DPH7: variants seen among roughly 807,000 people sequenced by gnomAD.
The protein encoded by DPH7 is diphthamide biosynthesis 7, also known as diphthine methyltransferase.
A neutral mutation model predicts 41.7 loss-of-function variants in DPH7; 44 were observed. That is an observed-to-expected ratio of 1.05 (90% CI 0.83 to 1.36). DPH7 has a LOEUF of 1.36. Ranked by LOEUF, DPH7 falls within the 40% of genes most tolerant of loss-of-function variation. DPH7 has a pLI of 0.00. For synonymous variants in DPH7, 275 were observed against 238.0 expected (o/e 1.16, Z -1.43); for missense variants, 629 against 577.5 (o/e 1.09, Z -0.91).
rs189560393 is a variant in DPH7, at chr9:137,558,998, C to A, written c.950-3350G>T. 6.6e-5 allele frequency among the ~76,000 whole-genome samples: 10 copies of A among 152,158 alleles called. No individual in the cohort carries two copies. In the East Asian group the frequency reaches 1.9e-3, roughly 29 times the overall value. On this transcript the variant is annotated intron_variant, in intron 8 of 8. Transcript: ENST00000277540. ...CACTAAATTGTGGGCGGCAAGCCAC[C>A]CAGGCACCGAGGCAAGAGACCGAGG...
intron 3 of DPH7, 89 bp from the exon 4 acceptor site, chr9:137,574,932 T>C: frequency 1.3e-6 from 2 of 1,581,946 alleles, no homozygotes; most frequent in African/African-American, 1.4e-5. Context: ...AAGTCATCGT[T>C]CCCTCATTTA....
intron 8 of DPH7, among the ~76,000 whole-genome samples, chr9:137,557,775 C>G (rs1050032951): frequency 2.7e-5 from 4 of 149,740 alleles, no homozygotes; most frequent in Non-Finnish European, 5.9e-5. Context: ...GCTGAGATCA[C>G]CCCACTGCAC....
At chr9:137,577,441 T>C in intron 2 of DPH7, 29 bp downstream of exon 2, 1 of 1,608,294 alleles carries the variant, frequency 6.2e-7, no homozygotes, top group Admixed American at 1.7e-5. Flanking sequence ...TGACAAATTC[T>C]ACACCCAGTG....
At chr9:137,575,897 T>C in intron 3 of DPH7, 183 bp downstream of exon 3, 1 of 1,406,700 alleles carries the variant, frequency 7.1e-7, no homozygotes, top group Non-Finnish European at 9.3e-7. Context: ...GACTTCCTCT[T>C]GGAGTTGGAT....
In DPH7 at chr9:137,576,077, G is replaced by C; in HGVS notation, c.375+3C>G. On this transcript the variant is annotated splice_donor_region_variant and intron_variant, in intron 3 of 8. Transcript: ENST00000277540. ...CCCCACAGAACAAGTGCAAGTCACT[G>C]ACCTCAGATTCCACCAGGCGGAGCA... The C allele has an allele frequency of 6.2e-7, 1 of 1,613,870 alleles. No individual in the cohort carries two copies. Among genetic ancestry groups the C allele is most frequent in the Non-Finnish European group, 8.5e-7 (1 of 1,180,026 alleles).
chr9:137,575,708 C>T (rs914773257), intron 3 of DPH7: 10 of 1,058,248 alleles, frequency 9.4e-6, no homozygotes, highest in Middle Eastern at 4.6e-4. Context: ...ACAGGACTCA[C>T]GTGCTTTTCC....
chr9:137,558,821 G>A (rs532397462), intron 8 of DPH7, among the ~76,000 whole-genome samples: 5 of 152,084 alleles, frequency 3.3e-5, no homozygotes, highest in Admixed American at 1.3e-4. Flanking sequence ...TGCAACCTCC[G>A]CCTCCCAGGT....
At chr9:137,571,859 A>G (rs930374282) in intron 5 of DPH7, among the ~76,000 whole-genome samples, 4 of 152,316 alleles carry the variant, frequency 2.6e-5, no homozygotes, top group South Asian at 2.1e-4. Context: ...TTAGTTTGCT[A>G]AAGTATTCTA....
rs111661395 is a variant in DPH7 at position 137,574,803 on chromosome 9, T to C, written c.416A>G (p.Glu139Gly). 6 of 1,614,056 alleles carry C rather than the reference T, an allele frequency of 3.7e-6. No homozygotes were observed. Residue 139 changes from glutamate to glycine, a missense_variant, in exon 4 of 9, where the codon GAG (glutamate) becomes GGG (glycine). By Grantham distance (98) the Glu-to-Gly change is moderately conservative. Coordinates refer to ENST00000277540, the MANE Select transcript of DPH7 (RefSeq NM_138778.5). The part of the protein sequence containing the change: ...VLEPLSSLAL[E>G]EQCLALSLDW... ...TAGGGACAAAGCCAGACACTGCTCCTCCAGGGCAAGGCTGGACAATGGCTC... is the reference window on the plus strand; with the variant it reads ...TAGGGACAAAGCCAGACACTGCTCCCCCAGGGCAAGGCTGGACAATGGCTC...
chr9:137,555,654 G>T lies in DPH7; in HGVS notation c.950-6C>A. On this transcript the variant is annotated splice_region_variant and splice_polypyrimidine_tract_variant and intron_variant, in intron 8 of 8. Transcript: ENST00000277540. Reference sequence around the variant, plus strand: ...CGTCGCCTCCTGCCTCTCCTCTGGAGTGAGAGATGGGAGAACCCAGGAAAC... The same window carrying T: ...CGTCGCCTCCTGCCTCTCCTCTGGATTGAGAGATGGGAGAACCCAGGAAAC... 1 of 1,580,064 alleles carries T rather than the reference G, an allele frequency of 6.3e-7. No individual in the cohort carries two copies. Among genetic ancestry groups the T allele is most frequent in the Non-Finnish European group, 8.6e-7 (1 of 1,160,026 alleles).
intron 8 of DPH7, among the ~76,000 whole-genome samples, chr9:137,559,947 C>T (rs1383936792): frequency 6.6e-6 from 1 of 152,218 alleles, no homozygotes; most frequent in Non-Finnish European, 1.5e-5. Flanking sequence ...TCGCCGCACA[C>T]AGGGAGAAGC....
At chr9:137,561,738 C>T (rs1838647007) in intron 8 of DPH7, among the ~76,000 whole-genome samples, 1 of 152,128 alleles carries the variant, frequency 6.6e-6, no homozygotes, top group Admixed American at 6.6e-5. Context: ...AGGGTCAGCA[C>T]ATCTGGAAGA....
chr9:137,565,003 C>T, intron 6 of DPH7, 45 bp from the exon 7 acceptor site: 1 of 1,605,164 alleles, frequency 6.2e-7, no homozygotes. Flanking sequence ...GCACACAGAC[C>T]CACCCAGGGA....
intron 2 of DPH7, chr9:137,576,544 C>T (rs987506049): frequency 2.3e-5 from 5 of 213,806 alleles, no homozygotes; most frequent in African/African-American, 1.1e-4. Flanking sequence ...TCGAAACCAG[C>T]CTGAGCAACA....
chr9:137,576,477 C>A, intron 2 of DPH7: 1 of 309,742 alleles, frequency 3.2e-6, no homozygotes, highest in Non-Finnish European at 6.2e-6. Flanking sequence ...GTGGCTCACA[C>A]TTGTAACCCC....
At chr9:137,575,872 G>A in intron 3 of DPH7, 2 of 1,385,290 alleles carry the variant, frequency 1.4e-6, no homozygotes, top group South Asian at 1.6e-5. Flanking sequence ...CCCTTCTGCT[G>A]GTGACACATG....
At chr9:137,559,319 T>G (rs1168967423) in intron 8 of DPH7, among the ~76,000 whole-genome samples, 5 of 152,138 alleles carry the variant, frequency 3.3e-5, no homozygotes, top group Non-Finnish European at 5.9e-5. Flanking sequence ...CGCCAGCATC[T>G]GGGAAGACGC....
At chr9:137,564,363 G>C in intron 8 of DPH7, 71 bp downstream of exon 8, 1 of 1,537,100 alleles carries the variant, frequency 6.5e-7, no homozygotes, top group Non-Finnish European at 8.8e-7. Flanking sequence ...TGAGGGAAGA[G>C]CCCAGCAGAG....
In DPH7 at chr9:137,575,462, C is replaced by T. The variant is rs1179492001; in HGVS notation, c.375+618G>A. On this transcript the variant is annotated intron_variant, in intron 3 of 8. Coordinates refer to ENST00000277540, the MANE Select transcript of DPH7 (RefSeq NM_138778.5). ...GCTTTCCTGTGGCTGCTCTTTCCCT[C>T]CTTTCTAAGACAGGGCAACTGCTCT... 5.1e-6 allele frequency: 5 copies of T among 988,562 alleles called. No homozygotes were observed. The African/African-American group carries it at 8.7e-5, about 17-fold the overall frequency. 61.2% of individuals were successfully genotyped at this position (988,562 alleles called of 1,614,324 possible). A position where few individuals can be genotyped will look rare whatever the true frequency, so the allele number is the denominator to read the frequency against.
Sources: allele counts gnomAD v4.1 joint callset (sites outside exome capture counted in the v4.1 genomes callset), GRCh38; gene constraint gnomAD v4.1.1; transcripts MANE v1.5; gene names NCBI Gene and HGNC (gene_info 2026-07-23, HGNC 2026-07-21).